Variants in AGMO observed in about 807,000 individuals in gnomAD.
The protein encoded by AGMO is glyceryl-ether monooxygenase.
A neutral mutation model predicts 60.2 loss-of-function variants in AGMO; 75 were observed. The observed-to-expected ratio is 1.25, with a 90% CI of 1.03 to 1.51. The LOEUF (loss-of-function observed/expected upper bound fraction) is 1.51, where lower values mean the gene tolerates loss of function less well. Ranked by LOEUF, AGMO falls within the 40% of genes most tolerant of loss-of-function variation. The probability of loss-of-function intolerance (pLI) is 0.00; values close to 1 mark genes in which losing one functional copy is unlikely to be tolerated. For missense variants in AGMO, 763 were observed against 525.5 expected, an observed-to-expected ratio of 1.45 and a Z score of -4.42; for synonymous variants, 261 against 177.1, an observed-to-expected ratio of 1.47 and a Z score of -3.76.
intron 4 of AGMO, among the ~76,000 whole-genome samples, chr7:15,428,036 C>A (rs1227205330): frequency 6.9e-5 from 3 of 43,374 alleles, no homozygotes; most frequent in African/African-American, 2.6e-4. Flanking sequence ...TTTCATTTCA[C>A]AGATCAATTT....
chr7:15,381,814 G>T (rs1783702262), intron 10 of AGMO, among the ~76,000 whole-genome samples: 1 of 152,068 alleles, frequency 6.6e-6, no homozygotes, highest in African/African-American at 2.4e-5. Context: ...AATTAGGTAA[G>T]TATACACCAT....
chr7:15,211,036 G>T (rs983916999), intron 12 of AGMO, among the ~76,000 whole-genome samples: 1 of 151,574 alleles, frequency 6.6e-6, no homozygotes, highest in Non-Finnish European at 1.5e-5. Context: ...CATAACTTGG[G>T]ACATAAAGGG....
At chr7:15,437,825 C>T (rs1438333628) in intron 3 of AGMO, among the ~76,000 whole-genome samples, 1 of 152,182 alleles carries the variant, frequency 6.6e-6, no homozygotes, top group Non-Finnish European at 1.5e-5. Flanking sequence ...CAGGCGTGAG[C>T]CACTGCGCCC....
chr7:15,183,074 G>T, the AGMO span, among the ~76,000 whole-genome samples: 1 of 151,848 alleles, frequency 6.6e-6, no homozygotes, highest in African/African-American at 2.4e-5. Context: ...TTTGACATGA[G>T]ATTTGGGAGG....
chr7:15,500,818 G>C (rs576716265), intron 3 of AGMO, among the ~76,000 whole-genome samples: 1 of 151,760 alleles, frequency 6.6e-6, no homozygotes, highest in Admixed American at 6.6e-5. Context: ...TTTAGATGTG[G>C]GCCTTTAGTG....
intron 12 of AGMO, among the ~76,000 whole-genome samples, chr7:15,332,154 A>T (rs1781515820): frequency 6.6e-6 from 1 of 152,118 alleles, no homozygotes; most frequent in Non-Finnish European, 1.5e-5. Context: ...CTGAGCAAAA[A>T]ATAAACTTAC....
At chr7:15,196,186 G>GCAC (rs1374103733), downstream of AGMO, among the ~76,000 whole-genome samples, 1 of 151,588 alleles carries the variant, frequency 6.6e-6, no homozygotes, top group Admixed American at 6.6e-5. Context: ...GGTATTACAG[G>GCAC]CACCACCACC....
intron 3 of AGMO, among the ~76,000 whole-genome samples, chr7:15,486,809 T>C (rs1282992490): frequency 1.3e-5 from 2 of 152,218 alleles, no homozygotes; most frequent in African/African-American, 2.4e-5. Context: ...GAATACTTTT[T>C]ACTGCTAAAA....
intron 2 of AGMO, among the ~76,000 whole-genome samples, chr7:15,551,396 C>T (rs1784956164): frequency 6.7e-6 from 1 of 149,314 alleles, no homozygotes; most frequent in African/African-American, 2.5e-5. Context: ...TTGCAGACGA[C>T]ATGATTGTAT....
chr7:15,508,923 T>A (rs1783600671), intron 3 of AGMO, among the ~76,000 whole-genome samples: 1 of 152,186 alleles, frequency 6.6e-6, no homozygotes, highest in Non-Finnish European at 1.5e-5. Flanking sequence ...TTTAGTTTAT[T>A]TTAAGAACAT....
chr7:15,479,491 G>A (rs1238700447), intron 3 of AGMO, among the ~76,000 whole-genome samples: 6 of 152,162 alleles, frequency 3.9e-5, no homozygotes, highest in South Asian at 2.1e-4. Context: ...TTTCACTATC[G>A]CCCATAATCA....
intron 5 of AGMO, among the ~76,000 whole-genome samples, chr7:15,403,332 A>T (rs187448254): frequency 3.3e-5 from 5 of 152,074 alleles, no homozygotes; most frequent in African/African-American, 1.2e-4. Flanking sequence ...TCTTGCTCAT[A>T]AATTTCTTCA....
intron 3 of AGMO, among the ~76,000 whole-genome samples, chr7:15,517,748 A>G (rs1783860078): frequency 6.6e-6 from 1 of 152,092 alleles, no homozygotes; most frequent in Non-Finnish European, 1.5e-5. Flanking sequence ...CAGTTTGGTC[A>G]GACACCGAGC....
At chr7:15,334,816 C>A (rs544453543) in intron 12 of AGMO, among the ~76,000 whole-genome samples, 4 of 152,252 alleles carry the variant, frequency 2.6e-5, no homozygotes, top group Middle Eastern at 6.8e-3. Context: ...ATACCCATGG[C>A]GTGTTTTCCA....
the AGMO span, among the ~76,000 whole-genome samples, chr7:15,134,417 G>A: frequency 5.3e-5 from 8 of 152,110 alleles, no homozygotes; most frequent in East Asian, 1.9e-4. Context: ...TATGCAATAC[G>A]TCACAATAGA....
chr7:15,357,652 C>G (rs554146634), intron 12 of AGMO, among the ~76,000 whole-genome samples: 1 of 152,302 alleles, frequency 6.6e-6, no homozygotes, highest in African/African-American at 2.4e-5. Context: ...GATTTTGCAA[C>G]TGCAATGTAC....
At chr7:15,307,663 G>C (rs1001510774) in intron 12 of AGMO, among the ~76,000 whole-genome samples, 4 of 151,886 alleles carry the variant, frequency 2.6e-5, no homozygotes, top group Admixed American at 1.3e-4. Flanking sequence ...TCTTCAAACT[G>C]ACACTCAAAT....
At chr7:15,531,631 T>TTC in intron 3 of AGMO, among the ~76,000 whole-genome samples, 2 of 125,622 alleles carry the variant, frequency 1.6e-5, no homozygotes, top group African/African-American at 5.9e-5. Flanking sequence ...TATATATATA[T>TTC]TCTATATATA....
chr7:15,448,151 G>A (rs953318525), intron 3 of AGMO, among the ~76,000 whole-genome samples: 4 of 152,188 alleles, frequency 2.6e-5, no homozygotes, highest in Admixed American at 6.5e-5. Flanking sequence ...GCTATGGGCT[G>A]AATGTTTGTG....
Sources: gnomAD v4.1 joint callset for allele counts (sites outside exome capture counted in the v4.1 genomes callset) on GRCh38, gnomAD v4.1.1 for gene constraint, MANE v1.5 for transcripts, NCBI Gene and HGNC (gene_info 2026-07-23, HGNC 2026-07-21) for gene names.